The following NTPCR variants were observed in gnomAD, a reference collection of about 807,000 sequenced individuals.
NTPCR encodes the protein nucleoside-triphosphatase, cancer-related, also known as cancer-related nucleoside-triphosphatase.
NTPCR carries 15 observed loss-of-function variants against 19.5 expected under a neutral mutation model. The ratio of observed to expected loss-of-function variants is 0.77; its 90% CI spans 0.51 to 1.18. NTPCR has a LOEUF of 1.18. Among genes scored for constraint, NTPCR ranks in the 50% most tolerant of loss-of-function variants. The pLI, the probability that NTPCR is intolerant of heterozygous loss-of-function variation, is 0.00. For synonymous variants in NTPCR, 90 were observed against 95.8 expected (o/e 0.94, Z 0.36); for missense variants, 206 against 240.4 (o/e 0.86, Z 0.95).
At chr1:232,961,716 A>G (rs75302270) in intron 3 of NTPCR, among the ~76,000 whole-genome samples, 7,202 of 152,166 alleles carry the variant, frequency 0.047, 204 homozygotes, top group Middle Eastern at 0.12. Flanking sequence ...CTTCTTCTGC[A>G]TGCTTTTTTT....
chr1:232,973,590 G>T (rs999586366), intron 4 of NTPCR, among the ~76,000 whole-genome samples: 1 of 152,192 alleles, frequency 6.6e-6, no homozygotes, highest in African/African-American at 2.4e-5. Flanking sequence ...GATCTCAACA[G>T]CAAGGTGACT....
At position 232,983,226 on chromosome 1, in the gene NTPCR, A is replaced by G. The variant is rs768145301; in HGVS notation, c.*4995A>G. ...TAAAATTGAGTATTTCCTTCTAACTATTGTCTTTTGAAAAGGGATGGTTCA... is the reference window on the plus strand; with the variant it reads ...TAAAATTGAGTATTTCCTTCTAACTGTTGTCTTTTGAAAAGGGATGGTTCA... On this transcript the variant is annotated 3_prime_UTR_variant, in exon 5 of 5. Transcript: ENST00000366628. 1.3e-5 allele frequency: 2 copies of G among 152,124 alleles called. No individual in the cohort carries two copies. Among genetic ancestry groups the G allele is most frequent in the Non-Finnish European group, 2.9e-5 (2 of 68,030 alleles). 9.4% of individuals were successfully genotyped at this position (152,124 alleles called of 1,614,324 possible). A position where few individuals can be genotyped will look rare whatever the true frequency, so the allele number is the denominator to read the frequency against.
At chr1:232,976,344 A>G in intron 4 of NTPCR, 1 of 1,531,860 alleles carries the variant, frequency 6.5e-7, no homozygotes, top group Non-Finnish European at 8.8e-7. Context: ...CTCTGTAGTC[A>G]CCGTACTGTG....
At chr1:232,976,850 GCAGATCTCAGTCACTCCTCTTGGGGTA>G (rs1669139022) in intron 4 of NTPCR, 4 of 227,556 alleles carry the variant, frequency 1.8e-5, no homozygotes, top group Admixed American at 1.0e-4. Flanking sequence ...CTCTTGGGGT[GCAGATCTCAGTCACTCCTCTTGGGGTA>G]CAGATCTCAG....
At chr1:232,977,159 T>C (rs1206626101) in intron 4 of NTPCR, 1 of 152,278 alleles carries the variant, frequency 6.6e-6, no homozygotes, top group Non-Finnish European at 1.5e-5. Flanking sequence ...TCAGCCCCTT[T>C]TCCATGGTTC....
Position 232,980,398 on chromosome 1 carries a change from T to A in NTPCR, c.*2167T>A, listed in dbSNP as rs1669251936. The A allele has an allele frequency of 6.6e-6, 1 of 152,178 alleles. No individual in the cohort carries two copies. The highest frequency in any genetic ancestry group is 6.5e-5 in the Admixed American group (1 of 15,280). 9.4% of individuals were successfully genotyped at this position (152,178 alleles called of 1,614,324 possible). On this transcript the variant is annotated 3_prime_UTR_variant, in exon 5 of 5. Transcript: ENST00000366628. Reference sequence around the variant, plus strand: ...ACCCACGTCTGCGTGGCTCCAAAGTTCACTCTTTCATCACTCCCTGCTGCG... The same window carrying A: ...ACCCACGTCTGCGTGGCTCCAAAGTACACTCTTTCATCACTCCCTGCTGCG...
At chr1:232,975,295 A>G (rs971107306) in intron 4 of NTPCR, among the ~76,000 whole-genome samples, 1 of 152,042 alleles carries the variant, frequency 6.6e-6, no homozygotes, top group Non-Finnish European at 1.5e-5. Context: ...CCGCTTCTTG[A>G]TTGTTTAAAT....
chr1:232,953,414 T>C (rs1411472223), intron 1 of NTPCR, among the ~76,000 whole-genome samples: 1 of 152,230 alleles, frequency 6.6e-6, no homozygotes, highest in Non-Finnish European at 1.5e-5. Context: ...AGAAGATTCC[T>C]AGAGCTGAAG....
At chr1:232,960,419 C>G (rs1235744359) in intron 3 of NTPCR, among the ~76,000 whole-genome samples, 1 of 151,468 alleles carries the variant, frequency 6.6e-6, no homozygotes, top group African/African-American at 2.4e-5. Context: ...TCTCAGCTCA[C>G]TGCAACTTCC....
Position 232,978,275 on chromosome 1 carries a change from AGAG to A in NTPCR, c.*48_*50del. 6.4e-7 allele frequency: 1 copy of A among 1,558,054 alleles called. No homozygotes were observed. The highest frequency in any genetic ancestry group is 8.8e-7 in the Non-Finnish European group (1 of 1,130,652). ...CTTCCGTGAAGGAGTGCCCAGTTCA[AGAG>A]GAGCCTGATGGAGCCCTGCCTGTCG... On this transcript the variant is annotated 3_prime_UTR_variant, in exon 5 of 5. Transcript: ENST00000366628.
chr1:232,956,205 T>G, intron 2 of NTPCR, 142 bp from the exon 3 acceptor site: 1 of 660,434 alleles, frequency 1.5e-6, no homozygotes, highest in Non-Finnish European at 2.7e-6. Context: ...CCTGATCAGC[T>G]TTACAGACCA....
rs1272057599 is a variant in NTPCR, at chr1:232,982,853, T to A, written c.*4622T>A. Reference sequence around the variant, plus strand: ...CCATTTAGCCCTTGGGGCTTGGCTGTAAAGTTGCCCAAGAGGATTACAGGA... The same window carrying A: ...CCATTTAGCCCTTGGGGCTTGGCTGAAAAGTTGCCCAAGAGGATTACAGGA... On this transcript the variant is annotated 3_prime_UTR_variant, in exon 5 of 5. Coordinates refer to ENST00000366628, the MANE Select transcript of NTPCR (RefSeq NM_032324.3). 6.6e-6 allele frequency: 1 copy of A among 152,212 alleles called. No homozygotes were observed. Among genetic ancestry groups the A allele is most frequent in the Non-Finnish European group, 1.5e-5 (1 of 68,048 alleles). 9.4% of individuals were successfully genotyped at this position (152,212 alleles called of 1,614,324 possible). A position where few individuals can be genotyped will look rare whatever the true frequency, so the allele number is the denominator to read the frequency against.
Position 232,970,127 on chromosome 1 carries a change from A to C in NTPCR, c.504+9A>C, listed in dbSNP as rs1368845945. On this transcript the variant is annotated intron_variant, in intron 4 of 4. Coordinates refer to ENST00000366628, the MANE Select transcript of NTPCR (RefSeq NM_032324.3). The stretch of plus-strand genomic sequence containing the variant: ...ATGTGAAGGTGTTTAATGTGAGTAC[A>C]GCCAGTCCTCCATAATCAGTGGAAA... The C allele has an allele frequency of 2.5e-6, 4 of 1,602,232 alleles. No homozygotes were observed. The highest frequency in any genetic ancestry group is 1.7e-5 in the Admixed American group (1 of 59,990).
In NTPCR at chr1:232,950,635, G is replaced by A; in HGVS notation, c.-76G>A. ...TGGGCGGGTCCTGAGTCGCGACCCT[G>A]GTCCGGACCTGACCTGAATTGCGAC... On this transcript the variant is annotated 5_prime_UTR_variant, in exon 1 of 5. Coordinates refer to ENST00000366628, the MANE Select transcript of NTPCR (RefSeq NM_032324.3). 1 of 1,245,012 alleles carries A rather than the reference G, an allele frequency of 8.0e-7. No homozygotes were observed. Among genetic ancestry groups the A allele is most frequent in the Non-Finnish European group, 1.2e-6 (1 of 851,880 alleles). The allele number at this position is 1,245,012 out of a possible 1,614,324, so 77.1% of individuals were successfully genotyped here.
intron 3 of NTPCR, chr1:232,962,481 G>A (rs1293161568): frequency 2.6e-5 from 4 of 152,168 alleles, no homozygotes; most frequent in African/African-American, 9.7e-5. Flanking sequence ...ATAAGATAAT[G>A]CTGGCCTTTT....
chr1:232,983,681 A>G lies in NTPCR; in HGVS notation c.*5450A>G, dbSNP rs1669345546. 3 of 152,194 alleles carry G rather than the reference A, an allele frequency of 2.0e-5. No homozygotes were observed. The highest frequency in any genetic ancestry group is 6.5e-5 in the Admixed American group (1 of 15,280). The allele number at this position is 152,194 out of a possible 1,614,324, so 9.4% of individuals were successfully genotyped here. ...TGGCTTTTCACAGAATACTGGAGAC[A>G]TGACTGCATGCATGATCACGGTTCT... is the stretch of plus-strand genomic sequence containing the variant. On this transcript the variant is annotated 3_prime_UTR_variant, in exon 5 of 5. Coordinates refer to ENST00000366628, the MANE Select transcript of NTPCR (RefSeq NM_032324.3).
chr1:232,977,856 C>T (rs1669166354), intron 4 of NTPCR, among the ~76,000 whole-genome samples: 1 of 152,142 alleles, frequency 6.6e-6, no homozygotes, highest in African/African-American at 2.4e-5. Flanking sequence ...TCCTGTGTGC[C>T]CATCATCCGT....
chr1:232,959,149 G>A (rs1448570266), intron 3 of NTPCR, among the ~76,000 whole-genome samples: 1 of 152,144 alleles, frequency 6.6e-6, no homozygotes, highest in Non-Finnish European at 1.5e-5. Context: ...CCCATGTGTG[G>A]AGGGAGAGAC....
chr1:232,960,248 A>T (rs1439135809), intron 3 of NTPCR, among the ~76,000 whole-genome samples: 5 of 139,238 alleles, frequency 3.6e-5, no homozygotes, highest in Non-Finnish European at 7.7e-5. Flanking sequence ...AGTGGCCGGG[A>T]GCTGAAGAGC....
Sources: gnomAD v4.1 joint callset for allele counts (sites outside exome capture counted in the v4.1 genomes callset) on GRCh38, gnomAD v4.1.1 for gene constraint, MANE v1.5 for transcripts, NCBI Gene and HGNC (gene_info 2026-07-23, HGNC 2026-07-21) for gene names.